HDHD2: variants seen among roughly 807,000 people sequenced by gnomAD.
HDHD2 encodes haloacid dehalogenase-like hydrolase domain-containing protein 2.
HDHD2 carries 26 observed loss-of-function variants against 24.8 expected under a neutral mutation model. That is an observed-to-expected ratio of 1.05 (90% CI 0.77 to 1.45). The LOEUF (loss-of-function observed/expected upper bound fraction) is 1.45, where lower values mean the gene tolerates loss of function less well. HDHD2 is among the 40% of genes most tolerant of loss of function. HDHD2 has a pLI of 0.00. For missense variants in HDHD2, 299 were observed against 313.4 expected (o/e 0.95, Z 0.35); for synonymous variants, 128 against 114.9 (o/e 1.11, Z -0.73).
intron 1 of HDHD2, among the ~76,000 whole-genome samples, chr18:47,139,223 C>T (rs1266616198): frequency 6.6e-6 from 1 of 151,766 alleles, no homozygotes; most frequent in East Asian, 1.9e-4. Context: ...CTTTGGGAGG[C>T]TGAGGTGGGT....
At position 47,107,986 on chromosome 18, in the gene HDHD2, C is replaced by T. The variant is rs2063487545; in HGVS notation, c.*696G>A. The stretch of plus-strand genomic sequence containing the variant: ...CATAAAATTTCCAAAACAACTGTTA[C>T]ACAGTATAATAGGTATCTGCAATGA... On this transcript the variant is annotated 3_prime_UTR_variant, in exon 7 of 7. Transcript: ENST00000300605. 1.3e-5 allele frequency: 2 copies of T among 152,546 alleles called. No individual in the cohort carries two copies. Among genetic ancestry groups the T allele is most frequent in the Non-Finnish European group, 2.9e-5 (2 of 68,036 alleles). 9.4% of individuals were successfully genotyped at this position (152,546 alleles called of 1,614,324 possible).
intron 2 of HDHD2, among the ~76,000 whole-genome samples, chr18:47,135,099 CCTAA>C (rs1324538393): frequency 4.6e-5 from 7 of 152,014 alleles, no homozygotes; most frequent in Non-Finnish European, 8.8e-5. Context: ...CATCATGACT[CCTAA>C]CTAAATTGGT....
chr18:47,127,896 T>C (rs1321959844), intron 4 of HDHD2, among the ~76,000 whole-genome samples: 1 of 152,228 alleles, frequency 6.6e-6, no homozygotes. Flanking sequence ...GAAGCCAGCA[T>C]GCAATGGGCT....
At chr18:47,134,788 A>G in intron 2 of HDHD2, 84 bp from the exon 3 acceptor site, 6 of 1,105,362 alleles carry the variant, frequency 5.4e-6, no homozygotes, top group Admixed American at 4.1e-5. Context: ...AAACTGTGCC[A>G]AATGTTTTTA....
chr18:47,130,273 A>G lies in HDHD2; in HGVS notation c.366T>C (p.Phe122=), dbSNP rs1420150978. Residue 122 remains phenylalanine, a synonymous_variant, in exon 4 of 7, where the codon TTT becomes TTC. Coordinates refer to ENST00000300605, the MANE Select transcript of HDHD2 (RefSeq NM_032124.5). ...ATGCTTGATTCAGAATTTGATAATGAAAATGTTCTGGTGCCAATCCCATGA... is the reference window on the plus strand; with the variant it reads ...ATGCTTGATTCAGAATTTGATAATGGAAATGTTCTGGTGCCAATCCCATGA... ...AVVMGLAPEH[F]HYQILNQAFR... 2 of 1,607,248 alleles carry G rather than the reference A, an allele frequency of 1.2e-6. No homozygotes were observed. Among genetic ancestry groups the G allele is most frequent in the Non-Finnish European group, 1.7e-6 (2 of 1,174,990 alleles).
chr18:47,124,249 G>A (rs115239694), intron 4 of HDHD2, among the ~76,000 whole-genome samples: 2,614 of 152,276 alleles, frequency 0.017, 76 homozygotes, highest in African/African-American at 0.059. Flanking sequence ...CTTGGGGTAA[G>A]CAAAGATTTC....
Position 47,141,280 on chromosome 18 carries a change from T to C in HDHD2, c.-10-4831A>G, listed in dbSNP as rs530449571. 7.9e-5 allele frequency among the ~76,000 whole-genome samples: 12 copies of C among 152,304 alleles called. No individual in the cohort carries two copies. The South Asian group carries it at 2.5e-3, about 32-fold the overall frequency. ...TAATGTTAAGACAATCTTGCACAAATCCAATGCAGTCCTGATATATTATCT... is the reference window on the plus strand; with the variant it reads ...TAATGTTAAGACAATCTTGCACAAACCCAATGCAGTCCTGATATATTATCT... On this transcript the variant is annotated intron_variant, in intron 1 of 6. Coordinates refer to ENST00000300605, the MANE Select transcript of HDHD2 (RefSeq NM_032124.5).
In HDHD2 at chr18:47,110,609, T is replaced by C. The variant is rs2063508085; in HGVS notation, c.677-1824A>G. ...AAAATAGAAATTGACAAAAGTGGCT[T>C]AGGTATATGTTTTAGTTCTAGCACC... On this transcript the variant is annotated intron_variant, in intron 6 of 6. Coordinates refer to ENST00000300605, the MANE Select transcript of HDHD2 (RefSeq NM_032124.5). The C allele has an allele frequency of 5.1e-6, 5 of 985,200 alleles. No individual in the cohort carries two copies. In the South Asian group the frequency reaches 1.4e-4, roughly 28 times the overall value. 61.0% of individuals were successfully genotyped at this position (985,200 alleles called of 1,614,324 possible).
chr18:47,134,329 C>G (rs988884357), intron 3 of HDHD2, 167 bp downstream of exon 3: 1 of 616,248 alleles, frequency 1.6e-6, no homozygotes, highest in African/African-American at 1.9e-5. Flanking sequence ...GGATTACAGT[C>G]AAAAAAAGGT....
intron 1 of HDHD2, among the ~76,000 whole-genome samples, chr18:47,147,227 A>G (rs1484556460): frequency 6.6e-6 from 1 of 152,204 alleles, no homozygotes; most frequent in Non-Finnish European, 1.5e-5. Flanking sequence ...AGAGGGAAAA[A>G]GAAGACTGCA....
chr18:47,133,319 A>G (rs1392984573), intron 3 of HDHD2, among the ~76,000 whole-genome samples: 1 of 152,128 alleles, frequency 6.6e-6, no homozygotes, highest in Non-Finnish European at 1.5e-5. Flanking sequence ...TACAAAGGAC[A>G]TGAACTCATC....
chr18:47,110,458 TAATG>T, intron 6 of HDHD2: 3 of 985,042 alleles, frequency 3.0e-6, no homozygotes, highest in Non-Finnish European at 3.6e-6. Flanking sequence ...ACAGGTAAGT[TAATG>T]ACTAAATATT....
chr18:47,144,942 G>A (rs1051862983), intron 1 of HDHD2, among the ~76,000 whole-genome samples: 12 of 152,062 alleles, frequency 7.9e-5, no homozygotes, highest in Admixed American at 1.3e-4. Context: ...TGCATAAGCA[G>A]CCCTATAAGG....
intron 6 of HDHD2, chr18:47,111,411 G>A (rs1358248021): frequency 1.0e-6 from 1 of 981,798 alleles, no homozygotes; most frequent in Non-Finnish European, 1.2e-6. Flanking sequence ...AATACTCATG[G>A]GAATAATACA....
Position 47,130,256 on chromosome 18 carries a change from T to G in HDHD2, c.383A>C (p.Asn128Thr). The change falls in exon 4 of 7, where the codon AAT becomes ACT. Residue 128 changes from asparagine (N) to threonine (T), a missense_variant. Physicochemically the swap from Asn to Thr is moderately conservative, Grantham distance 65. Coordinates refer to ENST00000300605, the MANE Select transcript of HDHD2 (RefSeq NM_032124.5). ...APEHFHYQIL[N>T]QAFRLLLDGA... ...TAGCTAGGTTTACCGGAATGCTTGATTCAGAATTTGATAATGAAAATGTTC... is the reference window on the plus strand; with the variant it reads ...TAGCTAGGTTTACCGGAATGCTTGAGTCAGAATTTGATAATGAAAATGTTC... 1 of 1,592,916 alleles carries G rather than the reference T, an allele frequency of 6.3e-7. No homozygotes were observed. The highest frequency in any genetic ancestry group is 1.1e-5 in the South Asian group (1 of 89,882).
chr18:47,146,783 A>T (rs1568064604), intron 1 of HDHD2, among the ~76,000 whole-genome samples: 1 of 152,236 alleles, frequency 6.6e-6, no homozygotes, highest in Non-Finnish European at 1.5e-5. Flanking sequence ...TCAAAAATAC[A>T]GATGCATACA....
intron 5 of HDHD2, among the ~76,000 whole-genome samples, chr18:47,113,785 C>G (rs2144282459): frequency 6.6e-6 from 1 of 151,630 alleles, no homozygotes; most frequent in African/African-American, 2.4e-5. Flanking sequence ...TAATATTGTT[C>G]AACAACAGCC....
chr18:47,110,074 T>G (rs1407436072), intron 6 of HDHD2: 1 of 985,366 alleles, frequency 1.0e-6, no homozygotes, highest in African/African-American at 1.7e-5. Flanking sequence ...CTTTGTGGTC[T>G]CTATTGTTGA....
chr18:47,139,303 CA>C (rs34392866), intron 1 of HDHD2, among the ~76,000 whole-genome samples: 64,954 of 142,604 alleles, frequency 0.46, 14,485 homozygotes, highest in Middle Eastern at 0.58. Context: ...CTAAAAAATA[CA>C]AAAAAAAAAA....
Sources: gnomAD v4.1 joint callset for allele counts (sites outside exome capture counted in the v4.1 genomes callset) on GRCh38, gnomAD v4.1.1 for gene constraint, MANE v1.5 for transcripts, NCBI Gene and HGNC (gene_info 2026-07-23, HGNC 2026-07-21) for gene names.